Variants in SLC25A46 observed in about 807,000 individuals in gnomAD.
The protein encoded by SLC25A46 is solute carrier family 25 member 46, also known as mitochondrial outer membrane protein SLC25A46.
Under a neutral mutation model 44.6 loss-of-function variants are expected in SLC25A46, and 39 were observed. That is an observed-to-expected ratio of 0.87 (90% confidence interval 0.68 to 1.14). SLC25A46 has a LOEUF of 1.14. Ranked by LOEUF, SLC25A46 falls within the 50% of genes most tolerant of loss-of-function variation. SLC25A46 has a pLI of 0.00. For synonymous variants in SLC25A46, 202 were observed against 185.8 expected (o/e 1.09, Z -0.71); for missense variants, 547 against 522.7 (o/e 1.05, Z -0.45).
At chr5:110,744,225 A>G (rs1799761176) in intron 3 of SLC25A46, among the ~76,000 whole-genome samples, 2 of 152,198 alleles carry the variant, frequency 1.3e-5, no homozygotes, top group African/African-American at 4.8e-5. Flanking sequence ...TTAGTCTTGT[A>G]CACATGTATA....
In SLC25A46 at chr5:110,763,110, G is replaced by T. The variant is rs1342306154; in HGVS notation, c.*1328G>T. 1 of 151,864 alleles carries T rather than the reference G, an allele frequency of 6.6e-6. No homozygotes were observed. The allele number at this position is 151,864 out of a possible 1,614,324, so 9.4% of individuals were successfully genotyped here. A position where few individuals can be genotyped will look rare whatever the true frequency, so the allele number is the denominator to read the frequency against. ...TGTAATTTGGTGGGTTAAGCACTTT[G>T]TGTAGTAAAATGATATGTGTCTGCT... On this transcript the variant is annotated 3_prime_UTR_variant, in exon 8 of 8. Transcript: ENST00000355943.
intron 5 of SLC25A46, among the ~76,000 whole-genome samples, chr5:110,750,590 C>T (rs1799942647): frequency 6.6e-6 from 1 of 152,076 alleles, no homozygotes; most frequent in South Asian, 2.1e-4. Context: ...TTTCTTGATT[C>T]CTTGTAATAC....
In SLC25A46 at chr5:110,743,807, T is replaced by A; in HGVS notation, c.384+20T>A. The A allele has an allele frequency of 6.3e-7, 1 of 1,592,020 alleles. No homozygotes were observed. Among genetic ancestry groups the A allele is most frequent in the South Asian group, 1.1e-5 (1 of 89,298 alleles). ...TGTCAGGTAAATGTAATTTCTGTGA[T>A]CTTTTGAAGCAATACTTCTGACCCT... On this transcript the variant is annotated intron_variant, in intron 3 of 7. Coordinates refer to ENST00000355943, the MANE Select transcript of SLC25A46 (RefSeq NM_138773.4).
At chr5:110,745,373 C>A (rs903933107) in intron 3 of SLC25A46, among the ~76,000 whole-genome samples, 2 of 152,092 alleles carry the variant, frequency 1.3e-5, no homozygotes, top group African/African-American at 2.4e-5. Context: ...CCTGCCTCAG[C>A]CTCCCGAGTA....
intron 4 of SLC25A46, 101 bp downstream of exon 4, chr5:110,746,447 A>G: frequency 1.3e-6 from 1 of 742,792 alleles, no homozygotes; most frequent in African/African-American, 1.9e-5. Context: ...GGTCAATAAA[A>G]CATCTTAACT....
intron 5 of SLC25A46, 73 bp downstream of exon 5, chr5:110,748,336 C>A: frequency 1.7e-6 from 2 of 1,203,644 alleles, no homozygotes; most frequent in Non-Finnish European, 2.5e-6. Context: ...GGTACATGTG[C>A]AGGCTTGTTA....
chr5:110,755,176 A>C, intron 5 of SLC25A46: 1 of 214,890 alleles, frequency 4.7e-6, no homozygotes, highest in Non-Finnish European at 9.1e-6. Flanking sequence ...CAATCATCTT[A>C]ATTTTCTTCC....
rs542480204 is a variant in SLC25A46, at chr5:110,748,226, G to T, written c.526G>T (p.Ala176Ser). The change falls in exon 5 of 8, where the codon GCA (alanine) becomes TCA (serine). Residue 176 changes from alanine to serine, a missense_variant. Transcript: ENST00000355943. Reference protein sequence around the residue: ...TFIVQGVTLGAEGIISEFTPL... With the variant: ...TFIVQGVTLGSEGIISEFTPL... ...TATTGTCCAGGGAGTCACACTTGGA[G>T]CAGAAGGCATAATTAGTGAATTTAC... 6 of 1,613,630 alleles carry T rather than the reference G, an allele frequency of 3.7e-6. No homozygotes were observed. The South Asian group carries it at 6.6e-5, about 18-fold the overall frequency.
In SLC25A46 at chr5:110,761,395, A is replaced by G. The variant is rs372999666; in HGVS notation, c.870A>G (p.Leu290=). Residue 290 remains leucine, a synonymous_variant, in exon 8 of 8, where the codon CTA becomes CTG. Coordinates refer to ENST00000355943, the MANE Select transcript of SLC25A46 (RefSeq NM_138773.4). The surrounding 1 kb of genome is among the most constrained non-coding windows in gnomAD (Gnocchi z 5.3). ...TTCAGAAGTTTGTCCTACTAATTCT[A>G]AAGAGAAAGACTTACAATAGCCACC... ...SVIQKFVLLI[L]KRKTYNSHLA... 48 of 1,613,754 alleles carry G rather than the reference A, an allele frequency of 3.0e-5. No homozygotes were observed. Among genetic ancestry groups the G allele is most frequent in the Non-Finnish European group, 4.1e-5 (48 of 1,179,794 alleles).
intron 1 of SLC25A46, 187 bp from the exon 2 acceptor site, chr5:110,741,860 A>T (rs1340558647): frequency 5.8e-6 from 3 of 517,414 alleles, no homozygotes; most frequent in African/African-American, 2.0e-5. Context: ...TTTGCCACAG[A>T]CCCCAGCAGA....
At chr5:110,749,208 G>A (rs1799895538) in intron 5 of SLC25A46, among the ~76,000 whole-genome samples, 1 of 151,312 alleles carries the variant, frequency 6.6e-6, no homozygotes. Context: ...TCAAGAAGAA[G>A]AAAAAGTTGG....
intron 5 of SLC25A46, among the ~76,000 whole-genome samples, chr5:110,752,001 G>C (rs1799978019): frequency 6.6e-6 from 1 of 152,166 alleles, no homozygotes; most frequent in African/African-American, 2.4e-5. Flanking sequence ...CCTATTAATG[G>C]GAAGAAGGAG....
In SLC25A46 at chr5:110,761,451, T is replaced by G. The variant is rs747759027; in HGVS notation, c.926T>G (p.Met309Arg). 1.5e-5 allele frequency: 25 copies of G among 1,613,640 alleles called. No homozygotes were observed. In the South Asian group the frequency reaches 2.4e-4, roughly 16 times the overall value. The change falls in exon 8 of 8, where the codon ATG becomes AGG. Residue 309 changes from methionine (M) to arginine (R), a missense_variant. By Grantham distance (91) the Met-to-Arg change is moderately conservative. Transcript: ENST00000355943. The surrounding 1 kb of genome is among the most constrained non-coding windows in gnomAD (Gnocchi z 5.3). ...LAESTSPVQS[M>R]LDAYFPELIA... ...GAGAGCACTAGCCCTGTGCAGAGTA[T>G]GTTGGATGCTTATTTTCCAGAACTT...
intron 5 of SLC25A46, among the ~76,000 whole-genome samples, chr5:110,749,994 G>T (rs1799920295): frequency 6.6e-6 from 1 of 152,032 alleles, no homozygotes; most frequent in South Asian, 2.1e-4. Context: ...CTCTGGCAAG[G>T]TGAATTTTTT....
At position 110,739,503 on chromosome 5, in the gene SLC25A46, C is replaced by A. The variant is rs1257433948; in HGVS notation, c.283+101C>A. Reference sequence around the variant, plus strand: ...GGCGCAGAGGATCCCGCCTCCTATTCCTTCTCATCCTATCGCGCGCCACAC... The same window carrying A: ...GGCGCAGAGGATCCCGCCTCCTATTACTTCTCATCCTATCGCGCGCCACAC... On this transcript the variant is annotated intron_variant, in intron 1 of 7. Coordinates refer to ENST00000355943, the MANE Select transcript of SLC25A46 (RefSeq NM_138773.4). 7.0e-6 allele frequency: 10 copies of A among 1,424,402 alleles called. No individual in the cohort carries two copies. The African/African-American group carries it at 1.3e-4, about 19-fold the overall frequency. 88.2% of individuals were successfully genotyped at this position (1,424,402 alleles called of 1,614,324 possible). A position where few individuals can be genotyped will look rare whatever the true frequency, so the allele number is the denominator to read the frequency against.
intron 5 of SLC25A46, 39 bp downstream of exon 5, chr5:110,748,302 G>A: frequency 1.3e-6 from 2 of 1,541,128 alleles, no homozygotes; most frequent in Non-Finnish European, 1.8e-6. Context: ...AGTTTCATGT[G>A]GTGATGTGTT....
intron 7 of SLC25A46, among the ~76,000 whole-genome samples, chr5:110,759,588 T>C (rs1202031078): frequency 1.1e-5 from 1 of 94,388 alleles, no homozygotes; most frequent in African/African-American, 3.7e-5. Context: ...GCTGTTATGG[T>C]TGGTGCTAAG....
rs1800297649 is a variant in SLC25A46 at position 110,763,044 on chromosome 5, T to A, written c.*1262T>A. 1 of 151,862 alleles carries A rather than the reference T, an allele frequency of 6.6e-6. No individual in the cohort carries two copies. Among genetic ancestry groups the A allele is most frequent in the Non-Finnish European group, 1.5e-5 (1 of 67,854 alleles). The allele number at this position is 151,862 out of a possible 1,614,324, so 9.4% of individuals were successfully genotyped here. ...TTTCAACATATAATAAGCAAAAAAA[T>A]TACTAATCAGTTTAATAAAAACATT... On this transcript the variant is annotated 3_prime_UTR_variant, in exon 8 of 8. Transcript: ENST00000355943.
chr5:110,745,047 G>A (rs1246856199), intron 3 of SLC25A46, among the ~76,000 whole-genome samples: 1 of 152,134 alleles, frequency 6.6e-6, no homozygotes, highest in Non-Finnish European at 1.5e-5. Context: ...ACAGTTTGAT[G>A]GTGCTGCCTC....
Sources: gnomAD v4.1 joint callset for allele counts (sites outside exome capture counted in the v4.1 genomes callset) on GRCh38, gnomAD v4.1.1 for gene constraint, Gnocchi (gnomAD v3.1) non-coding constraint, MANE v1.5 for transcripts, NCBI Gene and HGNC (gene_info 2026-07-23, HGNC 2026-07-21) for gene names.